The following SWT1 variants were observed in gnomAD, a reference collection of about 807,000 sequenced individuals.
SWT1 encodes the protein transcriptional protein SWT1.
SWT1 carries 33 observed loss-of-function variants against 107.3 expected under a neutral mutation model. That is an observed-to-expected ratio of 0.31 (90% confidence interval 0.23 to 0.41). The LOEUF (loss-of-function observed/expected upper bound fraction) is 0.41. SWT1 is among the 10% of genes least tolerant of loss of function. SWT1 has a pLI of 1.00. For missense variants in SWT1, 898 were observed against 1,028.9 expected (o/e 0.87, Z 1.74); for synonymous variants, 345 against 348.3 (o/e 0.99, Z 0.11).
intron 18 of SWT1, among the ~76,000 whole-genome samples, chr1:185,279,702 G>A (rs1664495194): frequency 6.6e-6 from 1 of 150,712 alleles, no homozygotes; most frequent in African/African-American, 2.4e-5. Context: ...GCTGCCAAAA[G>A]AGAGAGGGTT....
intron 4 of SWT1, chr1:185,171,490 C>G (rs902326070): frequency 3.3e-6 from 1 of 305,820 alleles, no homozygotes; most frequent in Non-Finnish European, 6.4e-6. Context: ...AGAGGCATCT[C>G]GGAAGTCATG....
Position 185,181,990 on chromosome 1 carries a change from T to A in SWT1, c.1071T>A (p.Ser357Arg), listed in dbSNP as rs747980629. 1.2e-6 allele frequency: 2 copies of A among 1,613,920 alleles called. No individual in the cohort carries two copies. The highest frequency in any genetic ancestry group is 2.2e-5 in the South Asian group (2 of 91,078). ...EELHAARVGKSVDLPGELMSM... is the reference protein window; with the variant it reads ...EELHAARVGKRVDLPGELMSM... ...TTCATGCTGCACGTGTGGGAAAAAG[T>A]GTGGATTTACCTGGAGAGTTAATGA... Residue 357 changes from serine to arginine, a missense_variant, in exon 7 of 19, where the codon AGT (serine) becomes AGA (arginine). Ser to Arg is a moderately radical substitution (Grantham distance 110, BLOSUM62 -1). Transcript: ENST00000367500.
intron 10 of SWT1, among the ~76,000 whole-genome samples, chr1:185,200,107 C>T (rs1027546357): frequency 6.6e-6 from 1 of 151,878 alleles, no homozygotes; most frequent in Non-Finnish European, 1.5e-5. Context: ...GGTCATTTAT[C>T]TTTTTCTCCG....
At chr1:185,177,952 G>A (rs2102360508) in intron 5 of SWT1, among the ~76,000 whole-genome samples, 1 of 152,194 alleles carries the variant, frequency 6.6e-6, no homozygotes, top group African/African-American at 2.4e-5. Context: ...ATTTTTCTAG[G>A]TACTAGGTAT....
intron 18 of SWT1, among the ~76,000 whole-genome samples, chr1:185,282,100 G>C (rs974498900): frequency 2.0e-5 from 3 of 152,108 alleles, no homozygotes; most frequent in African/African-American, 7.2e-5. Flanking sequence ...TAACATTTTT[G>C]GTACTCATTC....
chr1:185,249,032 CA>C, intron 16 of SWT1, among the ~76,000 whole-genome samples: 1 of 152,266 alleles, frequency 6.6e-6, no homozygotes, highest in East Asian at 1.9e-4. Flanking sequence ...TGGAAATTCT[CA>C]CTTGAGATTT....
chr1:185,225,239 C>G (rs1591585), intron 15 of SWT1, among the ~76,000 whole-genome samples: 69,274 of 151,866 alleles, frequency 0.46, 17,656 homozygotes, highest in African/African-American at 0.7. Context: ...TGTGTATTTT[C>G]AACCATTCTT....
intron 15 of SWT1, among the ~76,000 whole-genome samples, chr1:185,226,270 A>G (rs1660046151): frequency 6.6e-6 from 1 of 152,206 alleles, no homozygotes; most frequent in African/African-American, 2.4e-5. Context: ...AAAAATGCTT[A>G]TATTGCCTTA....
At position 185,182,983 on chromosome 1, in the gene SWT1, A is replaced by G. The variant is rs545664041; in HGVS notation, c.1138+926A>G. On this transcript the variant is annotated intron_variant, in intron 7 of 18. Transcript: ENST00000367500. ...AAACCCCATCTCTACTAAAAATACG[A>G]AAAATTAGCTGGGCATGGTGGCCCA... Among the ~76,000 whole-genome samples the G allele has an allele frequency of 4.6e-5, 7 of 151,582 alleles. No individual in the cohort carries two copies. The South Asian group carries it at 1.3e-3, about 27-fold the overall frequency.
At chr1:185,242,046 G>A (rs566708603) in intron 16 of SWT1, among the ~76,000 whole-genome samples, 2 of 152,198 alleles carry the variant, frequency 1.3e-5, no homozygotes, top group African/African-American at 4.8e-5. Context: ...GATCAACTAT[G>A]TAAAATAGGG....
At chr1:185,207,701 AG>A (rs1658447972) in intron 13 of SWT1, among the ~76,000 whole-genome samples, 1 of 152,116 alleles carries the variant, frequency 6.6e-6, no homozygotes, top group African/African-American at 2.4e-5. Context: ...CAGGAGTTCA[AG>A]GCCAGCCTGG....
In SWT1 at chr1:185,247,754, A is replaced by G. The variant is rs374789057; in HGVS notation, c.2441+16046A>G. On this transcript the variant is annotated intron_variant, in intron 16 of 18. Coordinates refer to ENST00000367500, the MANE Select transcript of SWT1 (RefSeq NM_017673.7). ...TCTCCTTTGTCTGTTTTAGAAATAT[A>G]TGAGATTTCTGGGTAAGCTTTCATT... 5.5e-4 allele frequency among the ~76,000 whole-genome samples: 84 copies of G among 152,264 alleles called. 1 individual carries two copies. The South Asian group carries it at 0.017, about 31-fold the overall frequency.
At chr1:185,170,916 G>A (rs990563590) in intron 4 of SWT1, among the ~76,000 whole-genome samples, 1 of 152,162 alleles carries the variant, frequency 6.6e-6, no homozygotes, top group African/African-American at 2.4e-5. Flanking sequence ...TTTCCACAGG[G>A]AATCTTAGGC....
At chr1:185,172,558 A>G (rs1176001856) in intron 4 of SWT1, among the ~76,000 whole-genome samples, 1 of 152,058 alleles carries the variant, frequency 6.6e-6, no homozygotes, top group Non-Finnish European at 1.5e-5. Flanking sequence ...GATTTTCTTC[A>G]CCTTGGTATG....
At chr1:185,190,271 T>C (rs1656842852) in intron 9 of SWT1, among the ~76,000 whole-genome samples, 1 of 152,236 alleles carries the variant, frequency 6.6e-6, no homozygotes, top group Non-Finnish European at 1.5e-5. Flanking sequence ...CCATTATCAG[T>C]ATCCTTCACT....
chr1:185,278,630 C>T (rs1664409693), intron 18 of SWT1, among the ~76,000 whole-genome samples: 1 of 152,184 alleles, frequency 6.6e-6, no homozygotes, highest in Admixed American at 6.5e-5. Context: ...CATGTTGACA[C>T]ATGGGGCAGT....
intron 18 of SWT1, among the ~76,000 whole-genome samples, chr1:185,278,106 G>T (rs1249420244): frequency 6.6e-6 from 1 of 152,056 alleles, no homozygotes; most frequent in African/African-American, 2.4e-5. Context: ...TTGATTACAG[G>T]CATGAGCCAC....
At chr1:185,193,203 CTTGTT>C (rs1657104767) in intron 10 of SWT1, among the ~76,000 whole-genome samples, 1 of 151,898 alleles carries the variant, frequency 6.6e-6, no homozygotes, top group African/African-American at 2.4e-5. Flanking sequence ...TTTTCAGATA[CTTGTT>C]TTGTTTTTTT....
At chr1:185,217,125 C>T (rs1466750366) in intron 14 of SWT1, among the ~76,000 whole-genome samples, 1 of 152,220 alleles carries the variant, frequency 6.6e-6, no homozygotes, top group African/African-American at 2.4e-5. Flanking sequence ...AGTGTGATTA[C>T]TTGAAACCAT....
Sources: allele counts gnomAD v4.1 joint callset (sites outside exome capture counted in the v4.1 genomes callset), GRCh38; gene constraint gnomAD v4.1.1; transcripts MANE v1.5; gene names NCBI Gene and HGNC (gene_info 2026-07-23, HGNC 2026-07-21).